GPC5: variants seen among roughly 807,000 people sequenced by gnomAD.
The protein encoded by GPC5 is glypican 5, also known as glypican-5.
Under a neutral mutation model 53.9 loss-of-function variants are expected in GPC5, and 47 were observed. The ratio of observed to expected loss-of-function variants is 0.87; its 90% CI spans 0.69 to 1.11. The LOEUF (loss-of-function observed/expected upper bound fraction) is 1.11, where lower values mean the gene tolerates loss of function less well. Ranked by LOEUF, GPC5 falls within the 50% of genes most tolerant of loss-of-function variation. The pLI is 0.00. For missense variants in GPC5, 748 were observed against 713.1 expected, an observed-to-expected ratio of 1.05 and a Z score of -0.56; for synonymous variants, 286 against 263.3, an observed-to-expected ratio of 1.09 and a Z score of -0.84.
intron 7 of GPC5, among the ~76,000 whole-genome samples, chr13:92,533,508 T>A (rs1372873186): frequency 6.6e-6 from 1 of 152,210 alleles, no homozygotes; most frequent in Non-Finnish European, 1.5e-5. Flanking sequence ...GAAACCCGTA[T>A]AATATAGCTT....
intron 7 of GPC5, among the ~76,000 whole-genome samples, chr13:92,695,931 G>A (rs1594426978): frequency 6.6e-6 from 1 of 151,896 alleles, no homozygotes; most frequent in Non-Finnish European, 1.5e-5. Flanking sequence ...AACTACCTAT[G>A]AGTGAGAACA....
chr13:92,541,252 T>C (rs1298902877), intron 7 of GPC5, among the ~76,000 whole-genome samples: 1 of 151,846 alleles, frequency 6.6e-6, no homozygotes, highest in Non-Finnish European at 1.5e-5. Flanking sequence ...CCCTTGGGTG[T>C]TACTATGGTG....
intron 5 of GPC5, among the ~76,000 whole-genome samples, chr13:91,895,279 A>G (rs920186888): frequency 6.6e-6 from 1 of 152,134 alleles, no homozygotes; most frequent in Non-Finnish European, 1.5e-5. Context: ...CTAATATAAA[A>G]TAATGTTTAT....
intron 1 of GPC5, among the ~76,000 whole-genome samples, chr13:91,429,135 G>T (rs1274079757): frequency 6.6e-6 from 1 of 152,160 alleles, no homozygotes; most frequent in Non-Finnish European, 1.5e-5. Flanking sequence ...GGCCAGGCTG[G>T]TCTCAAACTT....
intron 7 of GPC5, among the ~76,000 whole-genome samples, chr13:92,288,053 C>T (rs959279465): frequency 6.6e-5 from 10 of 151,958 alleles, no homozygotes; most frequent in African/African-American, 1.7e-4. Context: ...TTTTATCTAT[C>T]GCACTTTTCA....
chr13:91,644,226 T>C (rs1164024107), intron 2 of GPC5, among the ~76,000 whole-genome samples: 1 of 152,154 alleles, frequency 6.6e-6, no homozygotes, highest in African/African-American at 2.4e-5. Flanking sequence ...CAGGCATTTT[T>C]CTAAGATCTT....
intron 6 of GPC5, among the ~76,000 whole-genome samples, chr13:92,105,201 A>G (rs192290277): frequency 3.4e-4 from 52 of 152,108 alleles, no homozygotes; most frequent in Middle Eastern, 3.4e-3. Context: ...ATTCACAACT[A>G]TGCGTTGTTT....
intron 7 of GPC5, among the ~76,000 whole-genome samples, chr13:92,229,608 T>C (rs975000676): frequency 2.6e-5 from 4 of 152,126 alleles, no homozygotes; most frequent in Admixed American, 6.6e-5. Flanking sequence ...TCAGAGAATG[T>C]TGTTTATAGC....
intron 7 of GPC5, among the ~76,000 whole-genome samples, chr13:92,543,834 T>C (rs1029411277): frequency 6.6e-6 from 1 of 152,168 alleles, no homozygotes; most frequent in African/African-American, 2.4e-5. Flanking sequence ...TAAGTGTTAT[T>C]TTTTAACTAT....
At chr13:91,625,043 G>A (rs1261112891) in intron 2 of GPC5, among the ~76,000 whole-genome samples, 2 of 151,494 alleles carry the variant, frequency 1.3e-5, no homozygotes, top group Non-Finnish European at 2.9e-5. Flanking sequence ...GAAATAGAAA[G>A]GATTAAAAAA....
intron 7 of GPC5, among the ~76,000 whole-genome samples, chr13:92,212,049 G>C (rs775157803): frequency 1.4e-5 from 2 of 148,136 alleles, no homozygotes; most frequent in Admixed American, 6.8e-5. Context: ...GTGGAGCCCT[G>C]TTCCGCAGGT....
chr13:92,424,650 T>A (rs1241955733), intron 7 of GPC5, among the ~76,000 whole-genome samples: 1 of 77,838 alleles, frequency 1.3e-5, no homozygotes, highest in Non-Finnish European at 2.3e-5. Flanking sequence ...ATCTCTGTAT[T>A]TTTTTTTTTA....
Position 91,693,828 on chromosome 13 carries a change from G to A in GPC5, c.967G>A (p.Val323Ile). 1.9e-6 allele frequency: 3 copies of A among 1,612,110 alleles called. No individual in the cohort carries two copies. The highest frequency in any genetic ancestry group is 1.3e-5 in the African/African-American group (1 of 75,044). The change falls in exon 3 of 8, where the codon GTT (valine) becomes ATT (isoleucine). Residue 323 changes from valine (V) to isoleucine (I), a missense_variant. Physicochemically the swap from Val to Ile is conservative, Grantham distance 29 (BLOSUM62 3). Coordinates refer to ENST00000377067, the MANE Select transcript of GPC5 (RefSeq NM_004466.6). ...GHVLLNFHLL[V>I]NDAVLQAHLN... ...CGTGCTGCTGAACTTTCACTTGCTT[G>A]TTAATGATGCTGTGTTACAGGCTCA... is the stretch of plus-strand genomic sequence containing the variant.
At chr13:91,456,268 T>C (rs1026837097) in intron 2 of GPC5, among the ~76,000 whole-genome samples, 1 of 152,124 alleles carries the variant, frequency 6.6e-6, no homozygotes, top group East Asian at 1.9e-4. Flanking sequence ...GGTGATCCTG[T>C]ATAAGGTATA....
chr13:91,897,285 C>T (rs1253999200), intron 5 of GPC5, among the ~76,000 whole-genome samples: 1 of 151,502 alleles, frequency 6.6e-6, no homozygotes, highest in Non-Finnish European at 1.5e-5. Flanking sequence ...TCCACAGGCC[C>T]AGGAACACAG....
chr13:92,140,814 T>G (rs60723846), intron 6 of GPC5, among the ~76,000 whole-genome samples: 4,352 of 152,280 alleles, frequency 0.029, 182 homozygotes, highest in African/African-American at 0.086. Context: ...ATGAGCAGTT[T>G]TATTTTAAGA....
intron 7 of GPC5, among the ~76,000 whole-genome samples, chr13:92,850,883 G>A (rs1011748633): frequency 7.2e-5 from 11 of 152,150 alleles, no homozygotes; most frequent in Admixed American, 7.2e-4. Flanking sequence ...CTTACCTACT[G>A]TATTAGTCCA....
At chr13:91,430,198 T>C (rs966183248) in intron 1 of GPC5, among the ~76,000 whole-genome samples, 1 of 152,250 alleles carries the variant, frequency 6.6e-6, no homozygotes, top group African/African-American at 2.4e-5. Flanking sequence ...AAAAAGAGGA[T>C]GGTGGGAACA....
chr13:91,591,138 G>A (rs1393738120), intron 2 of GPC5, among the ~76,000 whole-genome samples: 1 of 152,198 alleles, frequency 6.6e-6, no homozygotes, highest in Non-Finnish European at 1.5e-5. Context: ...AAAGACACAT[G>A]TTCTTTCGGT....
Sources: allele counts gnomAD v4.1 joint callset (sites outside exome capture counted in the v4.1 genomes callset), GRCh38; gene constraint gnomAD v4.1.1; transcripts MANE v1.5; gene names NCBI Gene and HGNC (gene_info 2026-07-23, HGNC 2026-07-21).